The following AAK1 variants were observed in gnomAD, a reference collection of about 807,000 sequenced individuals.
The protein encoded by AAK1 is AP2-associated protein kinase 1.
In AAK1, 37 loss-of-function variants were observed where a neutral mutation model predicts 116.0. That is an observed-to-expected ratio of 0.32 (90% confidence interval 0.25 to 0.42). AAK1 has a LOEUF of 0.42. Among genes scored for constraint, AAK1 ranks in the 10% least tolerant of loss-of-function variants. AAK1 has a pLI of 1.00. For missense variants in AAK1, 919 were observed against 1,170.6 expected (o/e 0.79, Z 3.14); for synonymous variants, 458 against 439.9 (o/e 1.04, Z -0.51).
intron 3 of AAK1, among the ~76,000 whole-genome samples, chr2:69,549,548 CA>C (rs1256998492): frequency 6.6e-6 from 1 of 152,120 alleles, no homozygotes; most frequent in African/African-American, 2.4e-5. Flanking sequence ...AGAATGGCCC[CA>C]GGAAATGAAT....
At chr2:69,497,234 TAGTA>T (rs202069720) in intron 16 of AAK1, among the ~76,000 whole-genome samples, 45,051 of 149,842 alleles carry the variant, frequency 0.3, 9,423 homozygotes, top group African/African-American at 0.59. Flanking sequence ...CACCTCAGCC[TAGTA>T]GCCTAGTAGC....
intron 2 of AAK1, among the ~76,000 whole-genome samples, chr2:69,588,029 G>A (rs924836930): frequency 1.1e-4 from 16 of 152,006 alleles, no homozygotes; most frequent in Admixed American, 1.3e-4. Flanking sequence ...TCCCTAAAGT[G>A]CTGGGATTAC....
chr2:69,595,633 A>G (rs1673247169), intron 2 of AAK1, among the ~76,000 whole-genome samples: 1 of 152,238 alleles, frequency 6.6e-6, no homozygotes, highest in African/African-American at 2.4e-5. Flanking sequence ...TAAGACAAGA[A>G]GTCATCTCTA....
Position 69,470,605 on chromosome 2 carries a change from TG to T in AAK1, c.*5263del. 2.0e-6 allele frequency: 2 copies of T among 985,398 alleles called. No individual in the cohort carries two copies. Among genetic ancestry groups the T allele is most frequent in the Non-Finnish European group, 2.4e-6 (2 of 829,932 alleles). The allele number at this position is 985,398 out of a possible 1,614,324, so 61.0% of individuals were successfully genotyped here. A position where few individuals can be genotyped will look rare whatever the true frequency, so the allele number is the denominator to read the frequency against. On this transcript the variant is annotated 3_prime_UTR_variant, in exon 22 of 22. Transcript: ENST00000409085. ...GCCAACACAAAATGTTTAATTAAGT[TG>T]GCCTGGGTATATTAGGGATTAAGTT...
At chr2:69,491,224 C>T (rs1675509684) in intron 17 of AAK1, among the ~76,000 whole-genome samples, 1 of 152,088 alleles carries the variant, frequency 6.6e-6, no homozygotes, top group Non-Finnish European at 1.5e-5. Context: ...AGATTATAGG[C>T]ATGAGCCTGG....
rs573167823 is a variant in AAK1 at position 69,615,595 on chromosome 2, T to C, written c.163+27283A>G. Among the ~76,000 whole-genome samples, 5 of 152,358 alleles carry C rather than the reference T, an allele frequency of 3.3e-5. No homozygotes were observed. In the South Asian group the frequency reaches 1.0e-3, roughly 32 times the overall value. On this transcript the variant is annotated intron_variant, in intron 2 of 21. Transcript: ENST00000409085. Reference sequence around the variant, plus strand: ...TTTCTTCATTTCTTCCTTCCCTGTTTCTTTTTGGCTATGAATTTGCTCTTA... The same window carrying C: ...TTTCTTCATTTCTTCCTTCCCTGTTCCTTTTTGGCTATGAATTTGCTCTTA...
At chr2:69,509,188 T>C in intron 14 of AAK1, 43 bp downstream of exon 14, 9 of 1,571,754 alleles carry the variant, frequency 5.7e-6, no homozygotes, top group Non-Finnish European at 7.9e-6. Context: ...CAGGCAGACT[T>C]TGCCCACAGA....
chr2:69,466,518 A>G lies in AAK1; in HGVS notation c.*9351T>C, dbSNP rs965393781. The G allele has an allele frequency of 4.8e-5, 59 of 1,220,262 alleles. 1 individual carries two copies. The African/African-American group carries it at 8.8e-4, about 18-fold the overall frequency. The allele number at this position is 1,220,262 out of a possible 1,614,324, so 75.6% of individuals were successfully genotyped here. ...TGATTCTTTAAAGTGCTCTACAGTT[A>G]TTACAGGACAGGGATTGGACTCCCT... On this transcript the variant is annotated 3_prime_UTR_variant, in exon 22 of 22. Transcript: ENST00000409085.
chr2:69,492,518 CTTTTTTTTTTTT>C (rs987331929), intron 17 of AAK1, among the ~76,000 whole-genome samples: 3 of 83,400 alleles, frequency 3.6e-5, no homozygotes, highest in African/African-American at 1.6e-4. Flanking sequence ...CTGGCCAATT[CTTTTTTTTTTTT>C]TTTTTTTTTT....
intron 2 of AAK1, among the ~76,000 whole-genome samples, chr2:69,574,610 T>G (rs78088815): frequency 0.02 from 3,052 of 149,990 alleles, 83 homozygotes; most frequent in African/African-American, 0.068. Flanking sequence ...GAGAGAGAGA[T>G]ATTTGGCTTA....
At chr2:69,557,246 C>A (rs1348497772) in intron 2 of AAK1, among the ~76,000 whole-genome samples, 5 of 151,540 alleles carry the variant, frequency 3.3e-5, no homozygotes, top group African/African-American at 9.7e-5. Flanking sequence ...TTCCAAATAA[C>A]CTACAAATAA....
At chr2:69,595,719 C>T (rs552627995) in intron 2 of AAK1, among the ~76,000 whole-genome samples, 2 of 152,318 alleles carry the variant, frequency 1.3e-5, no homozygotes, top group East Asian at 3.9e-4. Flanking sequence ...TAGATAAGAC[C>T]ATTGATGAAG....
rs201274671 is a variant in AAK1 at position 69,468,973 on chromosome 2, C to T, written c.*6896G>A. 2.3e-5 allele frequency: 23 copies of T among 985,214 alleles called. No homozygotes were observed. The highest frequency in any genetic ancestry group is 1.2e-4 in the Admixed American group (2 of 16,260). The allele number at this position is 985,214 out of a possible 1,614,324, so 61.0% of individuals were successfully genotyped here. The stretch of plus-strand genomic sequence containing the variant: ...AATTCCAACAACTTTGAATAATTTA[C>T]AAAAACAGTCACAAAAACACCAGAA... On this transcript the variant is annotated 3_prime_UTR_variant, in exon 22 of 22. Transcript: ENST00000409085.
chr2:69,594,553 G>T (rs910042454), intron 2 of AAK1, among the ~76,000 whole-genome samples: 3 of 152,180 alleles, frequency 2.0e-5, no homozygotes, highest in Admixed American at 1.3e-4. Context: ...GGTTACTACT[G>T]CCAGGAATGT....
rs546604803 is a variant in AAK1, at chr2:69,460,932, T to C, written c.*14937A>G. 4 of 152,380 alleles carry C rather than the reference T, an allele frequency of 2.6e-5. No individual in the cohort carries two copies. In the South Asian group the frequency reaches 8.3e-4, roughly 32 times the overall value. 9.4% of individuals were successfully genotyped at this position (152,380 alleles called of 1,614,324 possible). A position where few individuals can be genotyped will look rare whatever the true frequency, so the allele number is the denominator to read the frequency against. On this transcript the variant is annotated 3_prime_UTR_variant, in exon 22 of 22. Coordinates refer to ENST00000409085, the MANE Select transcript of AAK1 (RefSeq NM_014911.5). ...TAGGAATAAATATATTCTGGCTCAA[T>C]GCTTTCCACTGAAATGAAAGGTCAC...
Position 69,469,354 on chromosome 2 carries a change from C to T in AAK1, c.*6515G>A, listed in dbSNP as rs1674599119. 3.0e-6 allele frequency: 3 copies of T among 985,298 alleles called. No homozygotes were observed. The South Asian group carries it at 1.4e-4, about 46-fold the overall frequency. 61.0% of individuals were successfully genotyped at this position (985,298 alleles called of 1,614,324 possible). A position where few individuals can be genotyped will look rare whatever the true frequency, so the allele number is the denominator to read the frequency against. On this transcript the variant is annotated 3_prime_UTR_variant, in exon 22 of 22. Coordinates refer to ENST00000409085, the MANE Select transcript of AAK1 (RefSeq NM_014911.5). ...GGATAAATTCCAAATATACTAGAAA[C>T]AGAAGGTAACCATTAAATCTTGTTG...
At position 69,507,529 on chromosome 2, in the gene AAK1, C is replaced by A. The variant is rs149603964; in HGVS notation, c.2056G>T (p.Val686Phe). The A allele has an allele frequency of 6.2e-7, 1 of 1,612,406 alleles. No individual in the cohort carries two copies. Among genetic ancestry groups the A allele is most frequent in the Non-Finnish European group, 8.5e-7 (1 of 1,179,220 alleles). ...GTAGACCCTTCTGAAGGATTATAAA[C>A]GTTTTGTTGAGAGGTCCGAGGAGAG... ...SGSPRTSQQN[V>F]YNPSEGSTWN... Residue 686 changes from valine to phenylalanine, a missense_variant, in exon 15 of 22, where the codon GTT becomes TTT. Physicochemically the swap from Val to Phe is conservative, Grantham distance 50. Coordinates refer to ENST00000409085, the MANE Select transcript of AAK1 (RefSeq NM_014911.5).
Position 69,469,555 on chromosome 2 carries a change from A to T in AAK1, c.*6314T>A, listed in dbSNP as rs377212541. 3 of 985,298 alleles carry T rather than the reference A, an allele frequency of 3.0e-6. No homozygotes were observed. Among genetic ancestry groups the T allele is most frequent in the Middle Eastern group, 5.2e-4 (1 of 1,936 alleles). 61.0% of individuals were successfully genotyped at this position (985,298 alleles called of 1,614,324 possible). A position where few individuals can be genotyped will look rare whatever the true frequency, so the allele number is the denominator to read the frequency against. On this transcript the variant is annotated 3_prime_UTR_variant, in exon 22 of 22. Transcript: ENST00000409085. ...CTAACCTAACCACATGCCTTGACCC[A>T]GTTCCTTTGGTAACCAATGGCACGT... is the stretch of plus-strand genomic sequence containing the variant.
chr2:69,554,590 G>C (rs1337326876), intron 3 of AAK1, among the ~76,000 whole-genome samples: 2 of 152,178 alleles, frequency 1.3e-5, no homozygotes, highest in Non-Finnish European at 2.9e-5. Context: ...TGGGGAGAGA[G>C]GCAAGCAGCA....
Sources: gnomAD v4.1 joint callset for allele counts (sites outside exome capture counted in the v4.1 genomes callset) on GRCh38, gnomAD v4.1.1 for gene constraint, MANE v1.5 for transcripts, NCBI Gene and HGNC (gene_info 2026-07-23, HGNC 2026-07-21) for gene names.